Variants in TERB2 observed in about 807,000 individuals in gnomAD.
TERB2 encodes the protein telomere repeats-binding bouquet formation protein 2.
TERB2 carries 26 observed loss-of-function variants against 29.8 expected under a neutral mutation model. The ratio of observed to expected loss-of-function variants is 0.87; its 90% CI spans 0.64 to 1.21. The LOEUF is 1.21. Ranked by LOEUF, TERB2 falls within the 50% of genes most tolerant of loss-of-function variation. The pLI, the probability that TERB2 is intolerant of heterozygous loss-of-function variation, is 0.00. For missense variants in TERB2, 240 were observed against 268.6 expected (o/e 0.89, Z 0.74); for synonymous variants, 80 against 90.8 (o/e 0.88, Z 0.68).
chr15:44,961,091 A>T lies in TERB2; in HGVS notation c.287-432A>T, dbSNP rs1169856888. Among the ~76,000 whole-genome samples the T allele has an allele frequency of 2.6e-5, 4 of 150,962 alleles. No individual in the cohort carries two copies. In the East Asian group the frequency reaches 7.7e-4, roughly 29 times the overall value. The stretch of plus-strand genomic sequence containing the variant: ...TCTATACATACATATATACATATAC[A>T]TCTAATGTATATCTAATGATACAGA... On this transcript the variant is annotated intron_variant, in intron 3 of 6. Transcript: ENST00000340827.
intron 4 of TERB2, 35 bp downstream of exon 4, chr15:44,961,619 C>T (rs373968380): frequency 6.4e-6 from 9 of 1,411,764 alleles, no homozygotes; most frequent in South Asian, 2.5e-5. Context: ...TTAGCATCTA[C>T]AGCTTCAACA....
chr15:44,962,840 C>T (rs1891828064), intron 4 of TERB2: 1 of 152,132 alleles, frequency 6.6e-6, no homozygotes. Context: ...GTGCTTGCTT[C>T]GGCAGCACAC....
At chr15:44,967,395 A>C (rs534975670) in intron 5 of TERB2, among the ~76,000 whole-genome samples, 15 of 152,360 alleles carry the variant, frequency 9.8e-5, no homozygotes, top group Middle Eastern at 3.4e-3. Context: ...TAAAGAAAGA[A>C]CCACTAGCTA....
intron 6 of TERB2, among the ~76,000 whole-genome samples, chr15:44,975,534 T>C (rs1892033317): frequency 6.6e-6 from 1 of 152,164 alleles, no homozygotes. Context: ...TGGTCTTTAG[T>C]TATAGAAAAT....
At chr15:44,968,289 C>T (rs111981953) in intron 5 of TERB2, among the ~76,000 whole-genome samples, 5,097 of 152,150 alleles carry the variant, frequency 0.033, 111 homozygotes, top group Non-Finnish European at 0.052. Context: ...GATCTCGGCT[C>T]ACTGCAACCT....
At chr15:44,973,665 A>AG in intron 5 of TERB2, 1 of 282,316 alleles carries the variant, frequency 3.5e-6, no homozygotes, top group Non-Finnish European at 5.5e-6. Context: ...TATATTTTTA[A>AG]AAAATCACTA....
chr15:44,968,985 G>A lies in TERB2; in HGVS notation c.434+2742G>A, dbSNP rs1489220470. ...TGCTGTGTCACCCAAGCTGCAGTGAGGTAGCATGATCATAGCTCACTGCAA... is the reference window on the plus strand; with the variant it reads ...TGCTGTGTCACCCAAGCTGCAGTGAAGTAGCATGATCATAGCTCACTGCAA... On this transcript the variant is annotated intron_variant, in intron 5 of 6. Coordinates refer to ENST00000340827, the MANE Select transcript of TERB2 (RefSeq NM_152448.3). Among the ~76,000 whole-genome samples the A allele has an allele frequency of 2.0e-5, 3 of 151,856 alleles. No individual in the cohort carries two copies. The East Asian group carries it at 5.8e-4, about 29-fold the overall frequency.
rs544815326 is a variant in TERB2 at position 44,958,451 on chromosome 15, C to T, written c.225C>T (p.Ala75=). Residue 75 remains alanine, a synonymous_variant, in exon 3 of 7, where the codon GCC becomes GCT. Transcript: ENST00000340827. ...HAYYLSAVAN[A]KIKNSVALGH... is the part of the protein sequence containing the mutation. ...ACTATCTCTCTGCGGTAGCTAATGC[C>T]AAAATAAAAAACTCGGTGGCTTTGG... 461 of 1,614,026 alleles carry T rather than the reference C, an allele frequency of 2.9e-4. 4 individuals carry two copies. In the South Asian group the frequency reaches 4.6e-3, roughly 16 times the overall value.
intron 4 of TERB2, chr15:44,962,944 C>G (rs1566944968): frequency 6.6e-6 from 1 of 150,478 alleles, no homozygotes; most frequent in South Asian, 2.1e-4. Flanking sequence ...ATATGATACT[C>G]CAAAAGCAGA....
intron 6 of TERB2, 29 bp downstream of exon 6, chr15:44,973,984 T>C: frequency 6.7e-7 from 1 of 1,485,946 alleles, no homozygotes. Context: ...TAGAGTAAAC[T>C]CAGGTAGGAA....
Position 44,956,800 on chromosome 15 carries a change from A to G in TERB2, c.64+18A>G, listed in dbSNP as rs745849323. 1.2e-6 allele frequency: 2 copies of G among 1,613,686 alleles called. No individual in the cohort carries two copies. Among genetic ancestry groups the G allele is most frequent in the Non-Finnish European group, 1.7e-6 (2 of 1,179,754 alleles). On this transcript the variant is annotated intron_variant, in intron 1 of 6. Coordinates refer to ENST00000340827, the MANE Select transcript of TERB2 (RefSeq NM_152448.3). ...ATTCTGGGGTAGGAAGCTGAGTGGA[A>G]GCAGCGGGTTAGGTGGTGAGGGGAG... is the stretch of plus-strand genomic sequence containing the variant.
intron 3 of TERB2, among the ~76,000 whole-genome samples, chr15:44,961,101 T>C (rs1891794833): frequency 6.6e-6 from 1 of 150,812 alleles, no homozygotes; most frequent in Non-Finnish European, 1.5e-5. Context: ...ATCTAATGTA[T>C]ATCTAATGAT....
intron 5 of TERB2, among the ~76,000 whole-genome samples, chr15:44,967,776 AC>A (rs1891911225): frequency 7.1e-6 from 1 of 140,222 alleles, no homozygotes; most frequent in Admixed American, 7.4e-5. Context: ...GGACTGGGGT[AC>A]CCTACAGTCT....
chr15:44,971,884 G>A (rs1421343578), intron 5 of TERB2, among the ~76,000 whole-genome samples: 2 of 150,148 alleles, frequency 1.3e-5, no homozygotes, highest in Non-Finnish European at 1.5e-5. Context: ...AATAGTGGGT[G>A]GTCCCTGACT....
chr15:44,972,356 A>C (rs1382768984), intron 5 of TERB2, among the ~76,000 whole-genome samples: 4 of 152,020 alleles, frequency 2.6e-5, no homozygotes, highest in Admixed American at 2.6e-4. Context: ...GAAAATAATA[A>C]ATTTAAGGAT....
chr15:44,977,631 C>T (rs1042821926), intron 6 of TERB2, among the ~76,000 whole-genome samples: 2 of 151,948 alleles, frequency 1.3e-5, no homozygotes, highest in Non-Finnish European at 2.9e-5. Flanking sequence ...TTATGTGCTT[C>T]GATTGATAGT....
chr15:44,964,264 C>T (rs1319526555), intron 4 of TERB2, among the ~76,000 whole-genome samples: 1 of 152,108 alleles, frequency 6.6e-6, no homozygotes, highest in Admixed American at 6.5e-5. Context: ...ATCAGGCCAT[C>T]AACTTATATA....
chr15:44,978,626 T>C lies in TERB2; in HGVS notation c.661T>C (p.Ter221GlnextTer1), dbSNP rs186671686. The change falls in exon 7 of 7, where the codon TAG (stop) becomes CAG (glutamine). Residue 221 changes from the stop codon to glutamine (Q), a stop_lost. Transcript: ENST00000340827. ...SAIKNKLKRK[*>Q] Reference sequence around the variant, plus strand: ...TATAAAAAACAAATTGAAGAGGAAATAGTAAATTAAATTGTAAATACCTTG... The same window carrying C: ...TATAAAAAACAAATTGAAGAGGAAACAGTAAATTAAATTGTAAATACCTTG... The C allele has an allele frequency of 1.2e-4, 187 of 1,590,156 alleles. 1 individual carries two copies. In the East Asian group the frequency reaches 4.1e-3, roughly 35 times the overall value.
intron 4 of TERB2, chr15:44,962,735 A>G (rs369926351): frequency 2.6e-5 from 4 of 152,198 alleles, no homozygotes; most frequent in East Asian, 1.9e-4. Context: ...ACTTACTTCA[A>G]AATCTTTAAG....
Sources: gnomAD v4.1 joint callset for allele counts (sites outside exome capture counted in the v4.1 genomes callset) on GRCh38, gnomAD v4.1.1 for gene constraint, MANE v1.5 for transcripts, NCBI Gene and HGNC (gene_info 2026-07-23, HGNC 2026-07-21) for gene names.